The following KCNIP4 variants were observed in gnomAD, a reference collection of about 807,000 sequenced individuals.
The protein encoded by KCNIP4 is potassium voltage-gated channel interacting protein 4, also known as Kv channel-interacting protein 4.
In KCNIP4, 12 loss-of-function variants were observed where a neutral mutation model predicts 34.0. That is an observed-to-expected ratio of 0.35 (90% confidence interval 0.23 to 0.57). The LOEUF (loss-of-function observed/expected upper bound fraction) is 0.57. Ranked by LOEUF, KCNIP4 falls within the 20% of genes least tolerant of loss-of-function variation. The probability of loss-of-function intolerance (pLI) is 0.83; values close to 1 mark genes in which losing one functional copy is unlikely to be tolerated. For synonymous variants in KCNIP4, 124 were observed against 102.2 expected (o/e 1.21, Z -1.29); for missense variants, 238 against 311.7 (o/e 0.76, Z 1.78).
chr4:20,930,983 C>A (rs1304433717), intron 1 of KCNIP4, among the ~76,000 whole-genome samples: 1 of 152,002 alleles, frequency 6.6e-6, no homozygotes, highest in Admixed American at 6.6e-5. Context: ...AATAGACCAG[C>A]AATGACCCAA....
At chr4:21,105,073 T>C (rs953316589) in intron 1 of KCNIP4, among the ~76,000 whole-genome samples, 2 of 151,716 alleles carry the variant, frequency 1.3e-5, no homozygotes, top group Non-Finnish European at 2.9e-5. Context: ...GACTTGGCAA[T>C]GTGGTCTCTT....
chr4:21,022,328 G>C (rs961718572), intron 1 of KCNIP4, among the ~76,000 whole-genome samples: 2 of 152,162 alleles, frequency 1.3e-5, no homozygotes, highest in African/African-American at 4.8e-5. Context: ...CATTTATTCT[G>C]TGTAAGCATC....
Position 20,809,282 on chromosome 4 carries a change from T to C in KCNIP4, c.288+41261A>G, listed in dbSNP as rs573037464. ...AAATGCAAGAACTGGAAATTACATA[T>C]GTGACCTTGTGCCATTCAGCCTGTG... is the stretch of plus-strand genomic sequence containing the variant. On this transcript the variant is annotated intron_variant, in intron 3 of 8. Coordinates refer to ENST00000382152, the MANE Select transcript of KCNIP4 (RefSeq NM_025221.6). Among the ~76,000 whole-genome samples, 96 of 152,306 alleles carry C rather than the reference T, an allele frequency of 6.3e-4. 2 individuals are homozygous for C. The highest frequency in any genetic ancestry group is 3.1e-3 in the Admixed American group (47 of 15,294).
intron 1 of KCNIP4, among the ~76,000 whole-genome samples, chr4:21,373,654 T>C (rs1295300426): frequency 6.8e-6 from 1 of 147,464 alleles, no homozygotes; most frequent in East Asian, 2.0e-4. Context: ...CAACAAGTCA[T>C]ATAATCTTCA....
At position 21,178,756 on chromosome 4, in the gene KCNIP4, T is replaced by C. The variant is rs1013031764; in HGVS notation, c.62-296047A>G. Among the ~76,000 whole-genome samples the C allele has an allele frequency of 2.6e-3, 402 of 152,112 alleles. 2 individuals carry two copies. Among genetic ancestry groups the C allele is most frequent in the African/African-American group, 8.6e-3 (356 of 41,490 alleles). ...TCATCTGAGGACCATATCTCCTGTG[T>C]CACTGAGAAAAGGAGTCACCAGAGA... On this transcript the variant is annotated intron_variant, in intron 1 of 8. Coordinates refer to ENST00000382152, the MANE Select transcript of KCNIP4 (RefSeq NM_025221.6).
At chr4:20,750,873 ACTTTTAAC>A (rs1219883066) in intron 4 of KCNIP4, among the ~76,000 whole-genome samples, 2 of 152,096 alleles carry the variant, frequency 1.3e-5, no homozygotes, top group Admixed American at 1.3e-4. Context: ...CTATTTTATA[ACTTTTAAC>A]CTTTATTGGG....
chr4:20,840,354 G>C (rs1456931692), intron 3 of KCNIP4, among the ~76,000 whole-genome samples: 1 of 152,122 alleles, frequency 6.6e-6, no homozygotes, highest in African/African-American at 2.4e-5. Context: ...CAAAACTAGA[G>C]ACAGTCTTGG....
At chr4:21,837,149 C>T (rs2109314254) in intron 1 of KCNIP4, among the ~76,000 whole-genome samples, 1 of 139,248 alleles carries the variant, frequency 7.2e-6, no homozygotes, top group African/African-American at 2.7e-5. Context: ...GATCTCCTGA[C>T]CTTGTGATCT....
At chr4:21,108,421 G>C (rs985862321) in intron 1 of KCNIP4, among the ~76,000 whole-genome samples, 8 of 151,582 alleles carry the variant, frequency 5.3e-5, no homozygotes, top group Non-Finnish European at 1.0e-4. Flanking sequence ...TCTTCACGTA[G>C]TTCTCGAGCC....
chr4:21,919,519 C>T (rs962631748), intron 1 of KCNIP4, among the ~76,000 whole-genome samples: 3 of 152,270 alleles, frequency 2.0e-5, no homozygotes, highest in Non-Finnish European at 4.4e-5. Context: ...CATTAGTAGC[C>T]TACCCAATGG....
At chr4:21,212,224 G>A (rs748918361) in intron 1 of KCNIP4, among the ~76,000 whole-genome samples, 1 of 152,142 alleles carries the variant, frequency 6.6e-6, no homozygotes, top group African/African-American at 2.4e-5. Context: ...TGAGAAGCAG[G>A]GAAAGTAACT....
chr4:21,490,912 G>A (rs550876087), intron 1 of KCNIP4, among the ~76,000 whole-genome samples: 3 of 152,226 alleles, frequency 2.0e-5, no homozygotes, highest in Admixed American at 6.5e-5. Context: ...CCTCTTTGAG[G>A]AGGTAATAAG....
At chr4:20,896,901 C>G (rs948128744) in intron 1 of KCNIP4, among the ~76,000 whole-genome samples, 1 of 151,982 alleles carries the variant, frequency 6.6e-6, no homozygotes, top group South Asian at 2.1e-4. Context: ...AGACAAGGGG[C>G]TCTACTTGTA....
intron 1 of KCNIP4, among the ~76,000 whole-genome samples, chr4:20,905,519 T>C: frequency 8.7e-6 from 1 of 114,842 alleles, no homozygotes; most frequent in Non-Finnish European, 1.9e-5. Context: ...CTTTTTTTTT[T>C]TTTTTTGTTT....
intron 1 of KCNIP4, among the ~76,000 whole-genome samples, chr4:21,392,596 C>T (rs10006625): frequency 0.048 from 7,317 of 152,156 alleles, 454 homozygotes; most frequent in African/African-American, 0.13. Context: ...TGGTGTGAAA[C>T]GAAAAATAAT....
At position 21,401,723 on chromosome 4, in the gene KCNIP4, G is replaced by A. The variant is rs1412532112; in HGVS notation, c.62-519014C>T. Among the ~76,000 whole-genome samples the A allele has an allele frequency of 2.6e-5, 4 of 152,288 alleles. No individual in the cohort carries two copies. In the East Asian group the frequency reaches 7.7e-4, roughly 29 times the overall value. ...TTATCAGTGAAAATGAGTCTGATGT[G>A]CTAATTCATAGCACATTCCCTATAC... On this transcript the variant is annotated intron_variant, in intron 1 of 8. Coordinates refer to ENST00000382152, the MANE Select transcript of KCNIP4 (RefSeq NM_025221.6).
chr4:21,425,507 T>C (rs1189627873), intron 1 of KCNIP4, among the ~76,000 whole-genome samples: 1 of 152,160 alleles, frequency 6.6e-6, no homozygotes, highest in Non-Finnish European at 1.5e-5. Context: ...TTTATTTAAG[T>C]AAAAGTAATC....
At chr4:21,196,746 TATA>T (rs1756085002) in intron 1 of KCNIP4, among the ~76,000 whole-genome samples, 1 of 152,252 alleles carries the variant, frequency 6.6e-6, no homozygotes, top group South Asian at 2.1e-4. Context: ...TCAAATTTCA[TATA>T]ATGCTCATTG....
At chr4:21,407,908 C>T (rs1018194133) in intron 1 of KCNIP4, among the ~76,000 whole-genome samples, 7 of 152,112 alleles carry the variant, frequency 4.6e-5, no homozygotes, top group African/African-American at 1.4e-4. Context: ...ATCAGGAATG[C>T]TGAAATAAAT....
Sources: allele counts gnomAD v4.1 joint callset (sites outside exome capture counted in the v4.1 genomes callset), GRCh38; gene constraint gnomAD v4.1.1; transcripts MANE v1.5; gene names NCBI Gene and HGNC (gene_info 2026-07-23, HGNC 2026-07-21).